The following CLIP1 variants were observed in gnomAD, a reference collection of about 807,000 sequenced individuals.
CLIP1 encodes CAP-Gly domain-containing linker protein 1.
Under a neutral mutation model 161.6 loss-of-function variants are expected in CLIP1, and 66 were observed. The ratio of observed to expected loss-of-function variants is 0.41; its 90% confidence interval spans 0.33 to 0.50. CLIP1 has a LOEUF of 0.50. Among genes scored for constraint, CLIP1 ranks in the 20% least tolerant of loss-of-function variants. CLIP1 has a pLI of 0.27. For missense variants in CLIP1, 1,376 were observed against 1,702.0 expected, an observed-to-expected ratio of 0.81 and a Z score of 3.37; for synonymous variants, 598 against 626.2, an observed-to-expected ratio of 0.96 and a Z score of 0.67.
At chr12:122,405,638 A>C (rs1447672535) in intron 1 of CLIP1, among the ~76,000 whole-genome samples, 1 of 151,854 alleles carries the variant, frequency 6.6e-6, no homozygotes, top group South Asian at 2.1e-4. Context: ...AAATACAAAA[A>C]TTAGCCAGGT....
chr12:122,393,252 C>A (rs1213538434), intron 1 of CLIP1, among the ~76,000 whole-genome samples: 1 of 151,930 alleles, frequency 6.6e-6, no homozygotes, highest in East Asian at 1.9e-4. Flanking sequence ...CCTCTGCCTC[C>A]TGGGTTCAAG....
At chr12:122,333,880 C>G (rs1389627020) in intron 14 of CLIP1, 147 bp downstream of exon 14, 2 of 582,408 alleles carry the variant, frequency 3.4e-6, no homozygotes, top group Admixed American at 6.1e-5. Context: ...AGATCTCAAA[C>G]AAGTATTTCA....
chr12:122,389,531 G>A (rs952522380), intron 1 of CLIP1, among the ~76,000 whole-genome samples: 6 of 152,024 alleles, frequency 3.9e-5, no homozygotes, highest in South Asian at 2.1e-4. Flanking sequence ...GGCCAAAGCC[G>A]GCGGATCACT....
rs546648438 is a variant in CLIP1 at position 122,331,370 on chromosome 12, G to A, written c.2867+1617C>T. On this transcript the variant is annotated intron_variant, in intron 15 of 25. Transcript: ENST00000620786. The stretch of plus-strand genomic sequence containing the variant: ...AGCTTTGTCACCAAGGCTGGAGTGC[G>A]GCAGCATGATCCTGGCTCATTGCAA... Among the ~76,000 whole-genome samples the A allele has an allele frequency of 5.3e-5, 8 of 151,268 alleles. No individual in the cohort carries two copies. The South Asian group carries it at 1.0e-3, about 20-fold the overall frequency.
At chr12:122,317,899 C>T (rs115185954) in intron 18 of CLIP1, among the ~76,000 whole-genome samples, 1,561 of 152,278 alleles carry the variant, frequency 0.01, 35 homozygotes, top group African/African-American at 0.035. Context: ...TGTTATAGAA[C>T]GACACAGTTC....
rs751003964 is a variant in CLIP1, at chr12:122,309,774, T to C, written c.3582A>G (p.Thr1194=). ...AAAGGACACTGACCTTTTGATGACT[T>C]GTGACTTCGTCCCTGCTTCTCCCCA... is the stretch of plus-strand genomic sequence containing the variant. ...EELGRSRDEV[T]SHQKLEEERS... The change falls in exon 20 of 26, where the codon ACA becomes ACG. Residue 1194 remains threonine, a synonymous_variant. Transcript: ENST00000620786. The C allele has an allele frequency of 1.2e-6, 2 of 1,612,648 alleles. No homozygotes were observed. Among genetic ancestry groups the C allele is most frequent in the East Asian group, 4.5e-5 (2 of 44,888 alleles).
At chr12:122,410,761 A>G (rs965380179) in intron 1 of CLIP1, among the ~76,000 whole-genome samples, 1 of 152,096 alleles carries the variant, frequency 6.6e-6, no homozygotes, top group African/African-American at 2.4e-5. Context: ...ATCCGGCCTT[A>G]TAAGTAATAT....
intron 1 of CLIP1, among the ~76,000 whole-genome samples, chr12:122,385,606 G>A (rs1021542889): frequency 6.6e-6 from 1 of 152,168 alleles, no homozygotes; most frequent in Non-Finnish European, 1.5e-5. Context: ...TGGTAGGACT[G>A]CCCATGTCTA....
rs1488503184 is a variant in CLIP1, at chr12:122,344,884, CCCAAGA to C, written c.1506+2485_1506+2490del. ...AGCTGGTTATCTTAACACTTGGGAACCCAAGAGTGAGGATCAACAGAAGACATACTT... is the reference window on the plus strand; with the variant it reads ...AGCTGGTTATCTTAACACTTGGGAACGTGAGGATCAACAGAAGACATACTT... On this transcript the variant is annotated intron_variant, in intron 10 of 25. Transcript: ENST00000620786. Among the ~76,000 whole-genome samples, 4 of 152,140 alleles carry C rather than the reference CCCAAGA, an allele frequency of 2.6e-5. No individual in the cohort carries two copies. The East Asian group carries it at 7.7e-4, about 29-fold the overall frequency.
intron 3 of CLIP1, among the ~76,000 whole-genome samples, chr12:122,366,461 T>C (rs753634308): frequency 1.3e-5 from 2 of 152,092 alleles, no homozygotes; most frequent in African/African-American, 2.4e-5. Context: ...GCCTGGGCAA[T>C]AGAACAAGAA....
intron 1 of CLIP1, among the ~76,000 whole-genome samples, chr12:122,397,544 C>G (rs1480779623): frequency 9.4e-6 from 1 of 106,106 alleles, no homozygotes; most frequent in East Asian, 3.4e-4. Flanking sequence ...CAGAGCCAGA[C>G]TCCATCTCCA....
chr12:122,305,640 G>A (rs1950836579), intron 20 of CLIP1, among the ~76,000 whole-genome samples: 2 of 152,176 alleles, frequency 1.3e-5, no homozygotes, highest in Non-Finnish European at 2.9e-5. Flanking sequence ...AGGATGCAAA[G>A]TACTGATCCT....
At chr12:122,287,890 T>A (rs116284073) in intron 21 of CLIP1, among the ~76,000 whole-genome samples, 1 of 152,308 alleles carries the variant, frequency 6.6e-6, no homozygotes, top group Admixed American at 6.5e-5. Flanking sequence ...GATTCTAGTA[T>A]GTTTAGTTAC....
intron 19 of CLIP1, among the ~76,000 whole-genome samples, chr12:122,315,153 A>G (rs1487609073): frequency 1.3e-5 from 2 of 152,218 alleles, no homozygotes; most frequent in African/African-American, 4.8e-5. Flanking sequence ...CAATCAACAA[A>G]TAGTATTGAG....
chr12:122,370,501 A>G (rs1406628680), intron 3 of CLIP1, among the ~76,000 whole-genome samples: 1 of 152,190 alleles, frequency 6.6e-6, no homozygotes, highest in Non-Finnish European at 1.5e-5. Flanking sequence ...TCTAGGCTAA[A>G]TAAACAGTCC....
At chr12:122,415,273 A>G (rs1042431627) in intron 1 of CLIP1, among the ~76,000 whole-genome samples, 24 of 149,524 alleles carry the variant, frequency 1.6e-4, no homozygotes, top group African/African-American at 5.4e-4. Context: ...CGAGGTCAGG[A>G]GATCAAGACC....
intron 17 of CLIP1, among the ~76,000 whole-genome samples, chr12:122,326,477 C>T (rs1236658709): frequency 3.9e-5 from 6 of 152,158 alleles, no homozygotes; most frequent in Admixed American, 2.6e-4. Context: ...TCCAGGGGTT[C>T]GAGACCAGCC....
chr12:122,301,824 T>G (rs1295090043), intron 20 of CLIP1, among the ~76,000 whole-genome samples: 1 of 152,240 alleles, frequency 6.6e-6, no homozygotes, highest in Non-Finnish European at 1.5e-5. Context: ...CATGTCTTGC[T>G]TGGCTCAAAT....
rs1461300686 is a variant in CLIP1 at position 122,413,111 on chromosome 12, A to C, written c.-107+9410T>G. On this transcript the variant is annotated intron_variant, in intron 1 of 25. Transcript: ENST00000620786. ...CGGTCTAGAAAGGAAAAGTCTAAAT[A>C]GGTCCCTTCCTGCTTTAAGGTATTA... 4.6e-5 allele frequency among the ~76,000 whole-genome samples: 7 copies of C among 152,314 alleles called. No homozygotes were observed. In the East Asian group the frequency reaches 1.4e-3, roughly 29 times the overall value.
Sources: allele counts gnomAD v4.1 joint callset (sites outside exome capture counted in the v4.1 genomes callset), GRCh38; gene constraint gnomAD v4.1.1; transcripts MANE v1.5; gene names NCBI Gene and HGNC (gene_info 2026-07-23, HGNC 2026-07-21).